PCDHA7: variants seen among roughly 807,000 people sequenced by gnomAD.
PCDHA7 encodes protocadherin alpha 7, also known as protocadherin alpha-7.
Under a neutral mutation model 57.2 loss-of-function variants are expected in PCDHA7, and 37 were observed. The observed-to-expected ratio is 0.65, with a 90% confidence interval of 0.50 to 0.85. PCDHA7 has a LOEUF of 0.85. Ranked by LOEUF, PCDHA7 falls within the 40% of genes least tolerant of loss-of-function variation. PCDHA7 has a pLI of 0.00. For missense variants in PCDHA7, 1,188 were observed against 1,241.8 expected (o/e 0.96, Z 0.65); for synonymous variants, 553 against 558.8 (o/e 0.99, Z 0.15).
chr5:140,857,165 G>A (rs1554149609), intron 1 of PCDHA7: 2 of 1,598,302 alleles, frequency 1.3e-6, no homozygotes, highest in African/African-American at 2.7e-5. Flanking sequence ...CCTAATCAGC[G>A]TTTCTGACCA....
chr5:140,897,701 C>T (rs1161358145), intron 1 of PCDHA7, among the ~76,000 whole-genome samples: 58 of 152,238 alleles, frequency 3.8e-4, no homozygotes, highest in Non-Finnish European at 7.4e-4. Flanking sequence ...TGGGCATATA[C>T]CCAGTAATGG....
chr5:140,902,530 G>A (rs569387885), intron 1 of PCDHA7, among the ~76,000 whole-genome samples: 11 of 152,144 alleles, frequency 7.2e-5, no homozygotes, highest in African/African-American at 2.7e-4. Flanking sequence ...TTATTATGTT[G>A]AGGTATGTTC....
At position 140,927,227 on chromosome 5, in the gene PCDHA7, T is replaced by G. The variant is rs782721972; in HGVS notation, c.2356-51722T>G. The G allele has an allele frequency of 3.2e-5, 51 of 1,613,848 alleles. No individual in the cohort carries two copies. The highest frequency in any genetic ancestry group is 1.6e-4 in the Middle Eastern group (1 of 6,084). ...CCGCTGGAGCTGCACAAGATTCGGA[T>G]TCACGTCCTGGACACCAATGACAAC... On this transcript the variant is annotated intron_variant, in intron 1 of 3. Coordinates refer to ENST00000525929, the MANE Select transcript of PCDHA7 (RefSeq NM_018910.3).
At chr5:140,892,819 A>G (rs551280418) in intron 1 of PCDHA7, among the ~76,000 whole-genome samples, 2 of 152,304 alleles carry the variant, frequency 1.3e-5, no homozygotes, top group South Asian at 4.1e-4. Context: ...TTTATCCTAC[A>G]GTGCTACAGT....
At chr5:140,914,248 G>T (rs1228200797) in intron 1 of PCDHA7, among the ~76,000 whole-genome samples, 1 of 151,850 alleles carries the variant, frequency 6.6e-6, no homozygotes, top group Non-Finnish European at 1.5e-5. Flanking sequence ...TTTATATCTG[G>T]GTGCTTCAAT....
intron 1 of PCDHA7, chr5:140,968,952 T>C: frequency 1.2e-6 from 2 of 1,614,192 alleles, no homozygotes; most frequent in Non-Finnish European, 1.7e-6. Context: ...TTGAGCATCA[T>C]CAAGTGCTAC....
intron 1 of PCDHA7, chr5:140,841,964 A>G (rs2150326449): frequency 6.2e-7 from 1 of 1,613,930 alleles, no homozygotes; most frequent in East Asian, 2.2e-5. Context: ...CCTGACAGCC[A>G]CAGATGGGGG....
intron 1 of PCDHA7, among the ~76,000 whole-genome samples, chr5:140,896,219 T>A (rs1212681477): frequency 1.3e-5 from 2 of 152,252 alleles, no homozygotes; most frequent in African/African-American, 2.4e-5. Flanking sequence ...TACATGTGTC[T>A]TTATAGTAGA....
chr5:140,900,081 G>T (rs1306300563), intron 1 of PCDHA7, among the ~76,000 whole-genome samples: 1 of 152,062 alleles, frequency 6.6e-6, no homozygotes, highest in African/African-American at 2.4e-5. Context: ...AAGTGCTGCA[G>T]TTACAAGCAT....
rs1344050034 is a variant in PCDHA7, at chr5:140,835,804, T to C, written c.1421T>C (p.Ile474Thr). 6.2e-7 allele frequency: 1 copy of C among 1,612,866 alleles called. No individual in the cohort carries two copies. Among genetic ancestry groups the C allele is most frequent in the East Asian group, 2.2e-5 (1 of 44,822 alleles). Reference protein sequence around the residue: ...VKENNPPGCHIFTVSAGDADA... With the variant: ...VKENNPPGCHTFTVSAGDADA... ...GAGAACAACCCGCCGGGCTGCCACA[T>C]CTTCACTGTGTCGGCGGGGGACGCG... Residue 474 changes from isoleucine (I) to threonine (T), a missense_variant, in exon 1 of 4, where the codon ATC becomes ACC. Around this residue, in one of 3 missense-constraint regions of PCDHA7, gnomAD observed 892 missense variants for 788.5 expected, o/e 1.13. Transcript: ENST00000525929.
rs782568393 is a variant in PCDHA7 at position 141,011,637 on chromosome 5, C to G, written c.*1700C>G. The G allele has an allele frequency of 2.0e-5, 3 of 153,526 alleles. No homozygotes were observed. Among genetic ancestry groups the G allele is most frequent in the Non-Finnish European group, 4.4e-5 (3 of 68,022 alleles). The allele number at this position is 153,526 out of a possible 1,614,324, so 9.5% of individuals were successfully genotyped here. ...GGTCCAGCCAAGAGCCATCTCGTGC[C>G]AAGACTTCTGCTGGCAAGGGAATGG... is the stretch of plus-strand genomic sequence containing the variant. On this transcript the variant is annotated 3_prime_UTR_variant, in exon 4 of 4. Transcript: ENST00000525929.
chr5:140,908,287 C>G (rs781987945), intron 1 of PCDHA7, among the ~76,000 whole-genome samples: 1 of 152,136 alleles, frequency 6.6e-6, no homozygotes, highest in African/African-American at 2.4e-5. Flanking sequence ...TTGTTGCAAG[C>G]TGGGGAAGAG....
At chr5:140,839,439 C>T (rs1038032080) in intron 1 of PCDHA7, among the ~76,000 whole-genome samples, 10 of 151,884 alleles carry the variant, frequency 6.6e-5, no homozygotes, top group Admixed American at 5.2e-4. Flanking sequence ...GCCCAGACTG[C>T]AGTGCAGTGG....
chr5:140,948,096 T>C (rs550126735), intron 1 of PCDHA7, among the ~76,000 whole-genome samples: 1 of 151,754 alleles, frequency 6.6e-6, no homozygotes, highest in East Asian at 1.9e-4. Flanking sequence ...TATGAGCATA[T>C]GATTTTTCTT....
At chr5:140,996,591 T>TC (rs201351256) in intron 3 of PCDHA7, among the ~76,000 whole-genome samples, 1,577 of 152,202 alleles carry the variant, frequency 0.01, 12 homozygotes, top group Middle Eastern at 0.058. Flanking sequence ...AAGGGCCGCC[T>TC]CCCCCCATTT....
rs1554169498 is a variant in PCDHA7 at position 140,877,227 on chromosome 5, G to A, written c.2355+40489G>A. On this transcript the variant is annotated intron_variant, in intron 1 of 3. Transcript: ENST00000525929. ...TTAGCGAGTTGGTACCGCGGTCGGT[G>A]GGTGCGGGCCACGTGGTGGCGAAAG... The A allele has an allele frequency of 1.9e-6, 3 of 1,613,738 alleles. No homozygotes were observed. The South Asian group carries it at 3.3e-5, about 18-fold the overall frequency.
chr5:140,924,165 C>G (rs782754845), intron 1 of PCDHA7, among the ~76,000 whole-genome samples: 5 of 152,230 alleles, frequency 3.3e-5, no homozygotes, highest in Admixed American at 1.3e-4. Context: ...ATCCTAATCT[C>G]TGGCACTGAA....
At chr5:140,856,978 G>A in intron 1 of PCDHA7, 2 of 1,594,578 alleles carry the variant, frequency 1.3e-6, no homozygotes, top group Non-Finnish European at 1.7e-6. Context: ...TTGACTTTGA[G>A]GACAGTAACA....
chr5:140,978,440 T>C, intron 1 of PCDHA7, among the ~76,000 whole-genome samples: 1 of 152,244 alleles, frequency 6.6e-6, no homozygotes. Context: ...GCTGGTGTTA[T>C]GACTGGGCAC....
Sources: gnomAD v4.1 joint callset for allele counts (sites outside exome capture counted in the v4.1 genomes callset) on GRCh38, gnomAD v4.1.1 for gene constraint, gnomAD v4.1.1 regional missense constraint, MANE v1.5 for transcripts, NCBI Gene and HGNC (gene_info 2026-07-23, HGNC 2026-07-21) for gene names.